The following ENPP1 variants were observed in gnomAD, a reference collection of about 807,000 sequenced individuals.
ENPP1 encodes the protein ectonucleotide pyrophosphatase/phosphodiesterase family member 1.
Under a neutral mutation model 122.8 loss-of-function variants are expected in ENPP1, and 73 were observed. That is an observed-to-expected ratio of 0.59 (90% CI 0.49 to 0.72). ENPP1 has a LOEUF of 0.72. Ranked by LOEUF, ENPP1 falls within the 30% of genes least tolerant of loss-of-function variation. ENPP1 has a pLI of 0.00. For missense variants in ENPP1, 978 were observed against 1,128.1 expected (o/e 0.87, Z 1.91); for synonymous variants, 367 against 391.6 (o/e 0.94, Z 0.74).
At position 131,888,272 on chromosome 6, in the gene ENPP1, G is replaced by A. The variant is rs117654804; in HGVS notation, c.2607+1548G>A. Among the ~76,000 whole-genome samples, 22 of 143,814 alleles carry A rather than the reference G, an allele frequency of 1.5e-4. No homozygotes were observed. The East Asian group carries it at 4.4e-3, about 29-fold the overall frequency. 94.3% of individuals were successfully genotyped at this position (143,814 alleles called of 152,430 possible). On this transcript the variant is annotated intron_variant, in intron 24 of 24. Coordinates refer to ENST00000647893, the MANE Select transcript of ENPP1 (RefSeq NM_006208.3). ...TTTTCATTGAAGTGACACCAAGTAA[G>A]TCTAAACCTGAATCTGCAAAAAGAT...
At chr6:131,880,993 G>A (rs538806367) in intron 20 of ENPP1, among the ~76,000 whole-genome samples, 1 of 152,120 alleles carries the variant, frequency 6.6e-6, no homozygotes, top group Non-Finnish European at 1.5e-5. Flanking sequence ...GCTGGAAAGA[G>A]AGAAGGGGGA....
chr6:131,867,014 T>G (rs1019116594), intron 11 of ENPP1, among the ~76,000 whole-genome samples: 1 of 152,248 alleles, frequency 6.6e-6, no homozygotes, highest in African/African-American at 2.4e-5. Flanking sequence ...TCACTAACAG[T>G]GTGCCAAAGC....
intron 7 of ENPP1, among the ~76,000 whole-genome samples, 200 bp from the exon 8 acceptor site, chr6:131,860,187 A>G (rs1035661551): frequency 2.0e-5 from 3 of 152,174 alleles, no homozygotes; most frequent in African/African-American, 7.2e-5. Context: ...CTCCTATTAC[A>G]TAATTTAAAT....
At chr6:131,815,871 ATTT>A (rs750091125) in intron 1 of ENPP1, among the ~76,000 whole-genome samples, 12 of 115,824 alleles carry the variant, frequency 1.0e-4, no homozygotes, top group African/African-American at 1.4e-4. Flanking sequence ...CACCTGGCTA[ATTT>A]TTTTTTTTTT....
At chr6:131,864,004 G>T (rs1782056881) in intron 9 of ENPP1, among the ~76,000 whole-genome samples, 1 of 152,136 alleles carries the variant, frequency 6.6e-6, no homozygotes, top group African/African-American at 2.4e-5. Context: ...ATTTAGTAGA[G>T]TATACAACTA....
chr6:131,820,027 A>G, intron 1 of ENPP1: 1 of 558,604 alleles, frequency 1.8e-6, no homozygotes, highest in Non-Finnish European at 3.4e-6. Context: ...ATCTGTTATC[A>G]AAGATAATCT....
chr6:131,876,604 T>C (rs1054581126), intron 17 of ENPP1, among the ~76,000 whole-genome samples: 2 of 152,216 alleles, frequency 1.3e-5, no homozygotes, highest in Admixed American at 6.5e-5. Flanking sequence ...ATCATTTAGT[T>C]AGTAACTTTG....
At chr6:131,877,643 A>G (rs1459750728) in intron 18 of ENPP1, 1 of 154,320 alleles carries the variant, frequency 6.5e-6, no homozygotes, top group Middle Eastern at 3.1e-3. Context: ...CCATGTTAAT[A>G]TGTCATTATT....
rs749527602 is a variant in ENPP1 at position 131,874,256 on chromosome 6, T to C, written c.1566-12T>C. The C allele has an allele frequency of 6.7e-7, 1 of 1,482,444 alleles. No homozygotes were observed. Among genetic ancestry groups the C allele is most frequent in the Non-Finnish European group, 9.4e-7 (1 of 1,061,486 alleles). The allele number at this position is 1,482,444 out of a possible 1,614,324, so 91.8% of individuals were successfully genotyped here. On this transcript the variant is annotated splice_polypyrimidine_tract_variant and intron_variant, in intron 15 of 24. Coordinates refer to ENST00000647893, the MANE Select transcript of ENPP1 (RefSeq NM_006208.3). ...GGACTTTACATTTTTAATTCATATA[T>C]GTCAACATTAGGAATCCCTCAGAAA...
rs1274675441 is a variant in ENPP1, at chr6:131,865,100, A to G, written c.1164+162A>G. Among the ~76,000 whole-genome samples the G allele has an allele frequency of 2.6e-5, 4 of 152,244 alleles. No homozygotes were observed. The East Asian group carries it at 5.8e-4, about 22-fold the overall frequency. ...AATATAAGGATGCACTTTAAACAAA[A>G]TAAGAGTTGGGAGAATTGTTTAGCC... On this transcript the variant is annotated intron_variant, in intron 11 of 24. Transcript: ENST00000647893.
intron 13 of ENPP1, among the ~76,000 whole-genome samples, chr6:131,869,770 C>T (rs182399440): frequency 3.3e-5 from 5 of 149,668 alleles, no homozygotes; most frequent in Admixed American, 6.7e-5. Context: ...GTACAAGAAT[C>T]GCTTGAACCC....
rs1782449521 is a variant in ENPP1 at position 131,890,228 on chromosome 6, T to C, written c.2608-113T>C. 3.5e-6 allele frequency: 3 copies of C among 852,756 alleles called. No individual in the cohort carries two copies. In the East Asian group the frequency reaches 7.3e-5, roughly 21 times the overall value. The allele number at this position is 852,756 out of a possible 1,614,324, so 52.8% of individuals were successfully genotyped here. A position where few individuals can be genotyped will look rare whatever the true frequency, so the allele number is the denominator to read the frequency against. ...ATGCCTAACAAATCATGTGGCACGT[T>C]CCACTTCAGAGCTGAAATCTCGTAA... is the stretch of plus-strand genomic sequence containing the variant. On this transcript the variant is annotated intron_variant, in intron 24 of 24. Transcript: ENST00000647893.
In ENPP1 at chr6:131,888,877, G is replaced by T. The variant is rs115262460; in HGVS notation, c.2608-1464G>T. On this transcript the variant is annotated intron_variant, in intron 24 of 24. Coordinates refer to ENST00000647893, the MANE Select transcript of ENPP1 (RefSeq NM_006208.3). ...AAATAACAGAAACCCCTTTGCAGTG[G>T]CTTAAGCAAGTCAGGGATTCCTCAT... Among the ~76,000 whole-genome samples, 1,007 of 152,270 alleles carry T rather than the reference G, an allele frequency of 6.6e-3. 11 individuals are homozygous for T. Among genetic ancestry groups the T allele is most frequent in the African/African-American group, 0.022 (902 of 41,546 alleles).
intron 17 of ENPP1, among the ~76,000 whole-genome samples, chr6:131,876,466 G>T (rs1298630300): frequency 3.3e-5 from 5 of 152,270 alleles, no homozygotes; most frequent in Admixed American, 1.3e-4. Flanking sequence ...GTTTAAATGA[G>T]TTAATGTATC....
rs886151450 is a variant in ENPP1, at chr6:131,894,630, A to G, written c.*4119A>G. On this transcript the variant is annotated 3_prime_UTR_variant, in exon 25 of 25. Coordinates refer to ENST00000647893, the MANE Select transcript of ENPP1 (RefSeq NM_006208.3). ...AAATTTCCATCAGTTCATTCATGAAAGAACAAAGAACCTGGCAAAACTTAA... is the reference window on the plus strand; with the variant it reads ...AAATTTCCATCAGTTCATTCATGAAGGAACAAAGAACCTGGCAAAACTTAA... 1.2e-4 allele frequency: 18 copies of G among 152,266 alleles called. No homozygotes were observed. The highest frequency in any genetic ancestry group is 3.9e-4 in the African/African-American group (16 of 41,454). 9.4% of individuals were successfully genotyped at this position (152,266 alleles called of 1,614,324 possible). A position where few individuals can be genotyped will look rare whatever the true frequency, so the allele number is the denominator to read the frequency against.
At chr6:131,825,750 T>A (rs1781538261) in intron 1 of ENPP1, among the ~76,000 whole-genome samples, 1 of 152,186 alleles carries the variant, frequency 6.6e-6, no homozygotes, top group East Asian at 1.9e-4. Context: ...CTTATCCAAA[T>A]GATTATTGAA....
Position 131,890,798 on chromosome 6 carries a change from A to G in ENPP1, c.*287A>G, listed in dbSNP as rs1382006332. ...ACTGCCTTTCTGCTTCTCTTAAAGG[A>G]GAAGTAGCTGTGAACATTGTCTGGA... On this transcript the variant is annotated 3_prime_UTR_variant, in exon 25 of 25. Coordinates refer to ENST00000647893, the MANE Select transcript of ENPP1 (RefSeq NM_006208.3). 10 of 422,994 alleles carry G rather than the reference A, an allele frequency of 2.4e-5. No individual in the cohort carries two copies. The highest frequency in any genetic ancestry group is 4.0e-5 in the African/African-American group (2 of 49,818). 26.2% of individuals were successfully genotyped at this position (422,994 alleles called of 1,614,324 possible).
chr6:131,818,012 G>A (rs753821149), intron 1 of ENPP1, among the ~76,000 whole-genome samples: 3 of 152,056 alleles, frequency 2.0e-5, no homozygotes, highest in Non-Finnish European at 4.4e-5. Context: ...TGGTTTTCAG[G>A]TGAATATTTT....
intron 11 of ENPP1, 117 bp from the exon 12 acceptor site, chr6:131,867,901 G>GTCTT: frequency 8.0e-6 from 6 of 750,172 alleles, no homozygotes; most frequent in East Asian, 2.7e-5. Context: ...CTATCTGTCT[G>GTCTT]TCTTTCTTTC....
Sources: gnomAD v4.1 joint callset for allele counts (sites outside exome capture counted in the v4.1 genomes callset) on GRCh38, gnomAD v4.1.1 for gene constraint, MANE v1.5 for transcripts, NCBI Gene and HGNC (gene_info 2026-07-23, HGNC 2026-07-21) for gene names.